Variants in ATRX observed in about 807,000 individuals in gnomAD.
ATRX encodes the protein ATRX chromatin remodeler.
A neutral mutation model predicts 172.6 loss-of-function variants in ATRX; 12 were observed. The ratio of observed to expected loss-of-function variants is 0.07; its 90% CI spans 0.04 to 0.11. ATRX has a LOEUF of 0.11. ATRX is among the 10% of genes least tolerant of loss of function. ATRX has a pLI of 1.00. For missense variants in ATRX, 1,368 were observed against 1,767.4 expected, an observed-to-expected ratio of 0.77 and a Z score of 4.05; for synonymous variants, 674 against 594.7, an observed-to-expected ratio of 1.13 and a Z score of -1.94.
intron 1 of ATRX, among the ~76,000 whole-genome samples, chrX:77,761,725 T>C (rs943329278): frequency 3.6e-5 from 4 of 111,384 alleles, no homozygotes; most frequent in African/African-American, 1.3e-4. Context: ...TTAACTATAG[T>C]GTTCATGCTG....
intron 22 of ATRX, among the ~76,000 whole-genome samples, chrX:77,615,567 T>G (rs782178745): frequency 1.7e-4 from 19 of 111,644 alleles, no homozygotes; most frequent in African/African-American, 5.8e-4. Flanking sequence ...TCTATCAGCT[T>G]CTGACAGATA....
intron 1 of ATRX, among the ~76,000 whole-genome samples, chrX:77,720,394 G>A (rs903319627): frequency 9.0e-6 from 1 of 111,345 alleles, no homozygotes; most frequent in Admixed American, 9.6e-5. Context: ...TTCAGGAGGT[G>A]TTTTTTTGAG....
At chrX:77,556,214 GGA>G (rs2147934233) in intron 30 of ATRX, among the ~76,000 whole-genome samples, 5 of 2,865 alleles carry the variant, frequency 1.7e-3, no homozygotes, top group East Asian at 9.1e-3. Context: ...AGGGGGAAAG[GGA>G]GAGAGGGAGA....
chrX:77,592,397 G>A (rs1475016484), intron 26 of ATRX, among the ~76,000 whole-genome samples: 8 of 84,527 alleles, frequency 9.5e-5, no homozygotes, highest in Admixed American at 5.7e-4. Context: ...TGGGTGACAA[G>A]AGCAAAACTC....
rs1270707130 is a variant in ATRX, at chrX:77,557,765, C to T, written c.6505-120G>A. The T allele has an allele frequency of 9.8e-6, 6 of 611,824 alleles. No homozygotes were observed. In the Admixed American group the frequency reaches 2.6e-4, roughly 26 times the overall value. 50.4% of individuals were successfully genotyped at this position (611,824 alleles called of 1,213,427 possible). ...GGTAAAACTTTATGGTAGTATATTG[C>T]CATAAAGAAAAACTCATCAGCAATT... On this transcript the variant is annotated intron_variant, in intron 29 of 34. Transcript: ENST00000373344.
intron 30 of ATRX, 73 bp from the exon 31 acceptor site, chrX:77,523,474 G>T: frequency 9.6e-7 from 1 of 1,046,891 alleles, no homozygotes; most frequent in Non-Finnish European, 1.3e-6. Flanking sequence ...ATAGTTCTAT[G>T]GTCAACTGTA....
chrX:77,766,856 A>T (rs1193292327), intron 1 of ATRX, among the ~76,000 whole-genome samples: 33 of 111,818 alleles, frequency 3.0e-4, no homozygotes, highest in African/African-American at 9.1e-4. Context: ...GCACTTTGGG[A>T]GGCCAAGGCA....
chrX:77,593,386 C>T (rs182030727), intron 26 of ATRX, among the ~76,000 whole-genome samples: 34 of 111,447 alleles, frequency 3.1e-4, no homozygotes, highest in Admixed American at 4.8e-4. Context: ...AGTCACACTA[C>T]ATAAACCGAA....
In ATRX at chrX:77,717,867, A is replaced by G. The variant is rs1433901715; in HGVS notation, c.21-624T>C. Reference sequence around the variant, plus strand: ...AGAAACAATAAACCTACCTACCACAAAAGAATTTTAAAAGAAATCAAAAGA... The same window carrying G: ...AGAAACAATAAACCTACCTACCACAGAAGAATTTTAAAAGAAATCAAAAGA... On this transcript the variant is annotated intron_variant, in intron 1 of 34. Transcript: ENST00000373344. Among the ~76,000 whole-genome samples, 3 of 111,481 alleles carry G rather than the reference A, an allele frequency of 2.7e-5. No homozygotes were observed. The Admixed American group carries it at 2.9e-4, about 11-fold the overall frequency.
Position 77,740,077 on chromosome X carries a change from A to AAAAT in ATRX, c.21-22835_21-22834insATTT, listed in dbSNP as rs1350060024. Among the ~76,000 whole-genome samples, 162 of 55,124 alleles carry AAAAT rather than the reference A, an allele frequency of 2.9e-3. 2 individuals are homozygous for AAAAT. Among genetic ancestry groups the AAAAT allele is most frequent in the Admixed American group, 0.012 (39 of 3,314 alleles). 47.9% of individuals were successfully genotyped at this position (55,124 alleles called of 115,157 possible). A position where few individuals can be genotyped will look rare whatever the true frequency, so the allele number is the denominator to read the frequency against. On this transcript the variant is annotated intron_variant, in intron 1 of 34. Coordinates refer to ENST00000373344, the MANE Select transcript of ATRX (RefSeq NM_000489.6). ...CCAAAAAAAAAAAAAAAAAAAAAAAATTTTTAAAAAAAGAAACAAACAAAA... is the reference window on the plus strand; with the variant it reads ...CCAAAAAAAAAAAAAAAAAAAAAAAAAAATTTTTTAAAAAAAGAAACAAACAAAA...
At chrX:77,668,268 C>T (rs1489990635) in intron 10 of ATRX, among the ~76,000 whole-genome samples, 1 of 111,230 alleles carries the variant, frequency 9.0e-6, no homozygotes, top group African/African-American at 3.3e-5. Context: ...TCACGGGCCA[C>T]AGAGACTTCA....
chrX:77,522,445 C>T lies in ATRX; in HGVS notation c.6850-57G>A, dbSNP rs1300651635. 58 of 1,125,403 alleles carry T rather than the reference C, an allele frequency of 5.2e-5. No homozygotes were observed. The East Asian group carries it at 8.7e-4, about 17-fold the overall frequency. 92.7% of individuals were successfully genotyped at this position (1,125,403 alleles called of 1,213,427 possible). A position where few individuals can be genotyped will look rare whatever the true frequency, so the allele number is the denominator to read the frequency against. On this transcript the variant is annotated intron_variant, in intron 31 of 34. Transcript: ENST00000373344. Reference sequence around the variant, plus strand: ...TTGTGATTTAAAACTTGAAATTCTACATCACCTACTGGTTTAGAAAAGAAT... The same window carrying T: ...TTGTGATTTAAAACTTGAAATTCTATATCACCTACTGGTTTAGAAAAGAAT...
At chrX:77,750,705 A>G (rs1049069569) in intron 1 of ATRX, among the ~76,000 whole-genome samples, 2 of 108,281 alleles carry the variant, frequency 1.8e-5, no homozygotes, top group Admixed American at 1.0e-4. Flanking sequence ...ACAGGCCCCA[A>G]TGTGTAACGT....
At chrX:77,632,528 G>C (rs1249587806) in intron 19 of ATRX, among the ~76,000 whole-genome samples, 1 of 111,950 alleles carries the variant, frequency 8.9e-6, no homozygotes, top group Non-Finnish European at 1.9e-5. Flanking sequence ...GGATTCTAAA[G>C]ATTACTATCA....
rs1557114839 is a variant in ATRX at position 77,648,212 on chromosome X, G to T, written c.4557+3902C>A. On this transcript the variant is annotated intron_variant, in intron 15 of 34. Transcript: ENST00000373344. ...GGAGACATCAACACTCCTCTGATTGGAGAGAATACCATTAAAACTACAGAA... is the reference window on the plus strand; with the variant it reads ...GGAGACATCAACACTCCTCTGATTGTAGAGAATACCATTAAAACTACAGAA... 2.7e-5 allele frequency among the ~76,000 whole-genome samples: 3 copies of T among 111,486 alleles called. No homozygotes were observed. In the Admixed American group the frequency reaches 2.9e-4, roughly 11 times the overall value.
intron 2 of ATRX, among the ~76,000 whole-genome samples, chrX:77,709,521 C>T (rs1307157225): frequency 9.0e-6 from 1 of 110,589 alleles, no homozygotes; most frequent in Admixed American, 9.7e-5. Flanking sequence ...AAACAATAAA[C>T]CCCAGTGATG....
chrX:77,662,893 C>T (rs1362221573), intron 12 of ATRX, among the ~76,000 whole-genome samples: 2 of 110,404 alleles, frequency 1.8e-5, no homozygotes, highest in African/African-American at 6.6e-5. Context: ...GACGGGGTTT[C>T]ACCGTGTTAG....
intron 30 of ATRX, among the ~76,000 whole-genome samples, chrX:77,544,356 A>G (rs1557052282): frequency 8.9e-6 from 1 of 111,892 alleles, no homozygotes; most frequent in Non-Finnish European, 1.9e-5. Flanking sequence ...CTCAAACTCT[A>G]AAAGAGAGGG....
chrX:77,650,690 T>C (rs2069171148), intron 15 of ATRX, among the ~76,000 whole-genome samples: 1 of 110,593 alleles, frequency 9.0e-6, no homozygotes, highest in African/African-American at 3.3e-5. Flanking sequence ...GTTCAAGCAA[T>C]TCTCCTGTCT....
Sources: gnomAD v4.1 joint callset for allele counts (sites outside exome capture counted in the v4.1 genomes callset) on GRCh38, gnomAD v4.1.1 for gene constraint, MANE v1.5 for transcripts, NCBI Gene and HGNC (gene_info 2026-07-23, HGNC 2026-07-21) for gene names.